NRG3: variants seen among roughly 807,000 people sequenced by gnomAD.
NRG3 encodes the protein pro-neuregulin-3, membrane-bound isoform.
Under a neutral mutation model 66.9 loss-of-function variants are expected in NRG3, and 31 were observed. The ratio of observed to expected loss-of-function variants is 0.46; its 90% CI spans 0.35 to 0.63. The LOEUF (loss-of-function observed/expected upper bound fraction) is 0.63. NRG3 is among the 20% of genes least tolerant of loss of function. NRG3 has a pLI of 0.00. For synonymous variants in NRG3, 393 were observed against 359.4 expected, an observed-to-expected ratio of 1.09 and a Z score of -1.06; for missense variants, 910 against 878.9, an observed-to-expected ratio of 1.04 and a Z score of -0.45.
intron 4 of NRG3, among the ~76,000 whole-genome samples, chr10:82,912,048 A>G (rs912459610): frequency 6.6e-6 from 1 of 152,068 alleles, no homozygotes; most frequent in African/African-American, 2.4e-5. Context: ...AATACTTTGT[A>G]TGATTTATAT....
intron 2 of NRG3, among the ~76,000 whole-genome samples, chr10:82,476,404 C>T (rs1219697831): frequency 6.6e-6 from 1 of 152,192 alleles, no homozygotes; most frequent in African/African-American, 2.4e-5. Context: ...TATTGATACA[C>T]TCATGTTCAT....
intron 1 of NRG3, among the ~76,000 whole-genome samples, chr10:82,286,640 T>C (rs2079434368): frequency 6.6e-6 from 1 of 152,198 alleles, no homozygotes. Flanking sequence ...CAGACTGGAG[T>C]GCAGTGGCAT....
chr10:82,780,159 G>A (rs545270197), intron 3 of NRG3, among the ~76,000 whole-genome samples: 1 of 152,168 alleles, frequency 6.6e-6, no homozygotes, highest in African/African-American at 2.4e-5. Flanking sequence ...CTTTGCTATT[G>A]TTAACAGTGC....
chr10:82,134,669 G>A (rs2069190544), intron 1 of NRG3, among the ~76,000 whole-genome samples: 2 of 152,042 alleles, frequency 1.3e-5, no homozygotes, highest in South Asian at 4.1e-4. Context: ...TAGCCCTGTA[G>A]TATAGTTTGA....
At chr10:82,023,337 G>A (rs140832720) in intron 1 of NRG3, among the ~76,000 whole-genome samples, 1 of 151,844 alleles carries the variant, frequency 6.6e-6, no homozygotes, top group African/African-American at 2.4e-5. Context: ...CACAATTTGG[G>A]TGTCCTTTAT....
At chr10:82,669,795 G>A (rs1053060184) in intron 2 of NRG3, among the ~76,000 whole-genome samples, 1 of 151,984 alleles carries the variant, frequency 6.6e-6, no homozygotes, top group African/African-American at 2.4e-5. Flanking sequence ...GGGCGTGGTG[G>A]TGGGCGCCTG....
chr10:82,831,108 C>T (rs927247951), intron 3 of NRG3, among the ~76,000 whole-genome samples: 5 of 152,128 alleles, frequency 3.3e-5, no homozygotes, highest in Non-Finnish European at 7.3e-5. Flanking sequence ...AGGTTGCTAA[C>T]GTTGCTCTAA....
intron 2 of NRG3, among the ~76,000 whole-genome samples, chr10:82,671,334 C>T (rs577866356): frequency 1.3e-5 from 2 of 152,138 alleles, no homozygotes; most frequent in Non-Finnish European, 2.9e-5. Flanking sequence ...TTAATGTGAT[C>T]GAAAAGCCCA....
chr10:81,989,907 A>G (rs970283336), intron 1 of NRG3, among the ~76,000 whole-genome samples: 1 of 152,190 alleles, frequency 6.6e-6, no homozygotes, highest in Admixed American at 6.6e-5. Flanking sequence ...TCTGTCCAGA[A>G]GGTTGACTAT....
At chr10:82,823,110 C>A (rs541146739) in intron 3 of NRG3, among the ~76,000 whole-genome samples, 6 of 152,262 alleles carry the variant, frequency 3.9e-5, no homozygotes, top group African/African-American at 7.2e-5. Flanking sequence ...GCATTTACAT[C>A]ATTATCTGCC....
At chr10:82,601,920 C>T (rs181525598) in intron 2 of NRG3, among the ~76,000 whole-genome samples, 1 of 143,048 alleles carries the variant, frequency 7.0e-6, no homozygotes, top group Non-Finnish European at 1.5e-5. Flanking sequence ...ATATATAAAA[C>T]TATATATATA....
At chr10:81,961,597 A>G (rs1344222617) in intron 1 of NRG3, among the ~76,000 whole-genome samples, 2 of 152,276 alleles carry the variant, frequency 1.3e-5, no homozygotes, top group South Asian at 2.1e-4. Flanking sequence ...GTAACAATAT[A>G]GAGATAACAC....
intron 1 of NRG3, among the ~76,000 whole-genome samples, chr10:82,069,917 T>C (rs556755576): frequency 2.6e-4 from 40 of 152,218 alleles, no homozygotes; most frequent in Non-Finnish European, 4.3e-4. Context: ...GATTCGCCTC[T>C]CTTATTAATA....
At chr10:82,187,414 A>G (rs375274281) in intron 1 of NRG3, among the ~76,000 whole-genome samples, 3 of 152,158 alleles carry the variant, frequency 2.0e-5, no homozygotes, top group Admixed American at 2.0e-4. Context: ...GTTATTTTAA[A>G]TCTCTTGAAG....
chr10:82,157,808 T>A (rs910840429), intron 1 of NRG3, among the ~76,000 whole-genome samples: 6 of 151,796 alleles, frequency 4.0e-5, no homozygotes, highest in Non-Finnish European at 5.9e-5. Context: ...GGAAATTTGA[T>A]CAAGAGTCTA....
chr10:82,350,991 A>T (rs2083401130), intron 1 of NRG3, among the ~76,000 whole-genome samples: 1 of 151,526 alleles, frequency 6.6e-6, no homozygotes, highest in Non-Finnish European at 1.5e-5. Context: ...TCCTGGGTTC[A>T]CGCCATTCTC....
At chr10:82,534,244 C>T (rs1847590648) in intron 2 of NRG3, among the ~76,000 whole-genome samples, 1 of 150,514 alleles carries the variant, frequency 6.6e-6, no homozygotes. Context: ...GTATTTTCTA[C>T]CAGTAATAGA....
At chr10:81,980,694 A>G (rs539869523) in intron 1 of NRG3, among the ~76,000 whole-genome samples, 3 of 152,284 alleles carry the variant, frequency 2.0e-5, no homozygotes, top group East Asian at 1.9e-4. Context: ...AAAATATCAT[A>G]TAATAGGTGC....
At chr10:82,981,259 T>G (rs1311890969) in intron 8 of NRG3, among the ~76,000 whole-genome samples, 1 of 152,238 alleles carries the variant, frequency 6.6e-6, no homozygotes, top group East Asian at 1.9e-4. Context: ...TTTGTTTTGG[T>G]TCAGTCACTG....
Sources: gnomAD v4.1 joint callset for allele counts (sites outside exome capture counted in the v4.1 genomes callset) on GRCh38, gnomAD v4.1.1 for gene constraint, MANE v1.5 for transcripts, NCBI Gene and HGNC (gene_info 2026-07-23, HGNC 2026-07-21) for gene names.